MCM3: variants seen among roughly 807,000 people sequenced by gnomAD.
MCM3 encodes minichromosome maintenance complex component 3.
A neutral mutation model predicts 91.3 loss-of-function variants in MCM3; 59 were observed. The ratio of observed to expected loss-of-function variants is 0.65; its 90% CI spans 0.52 to 0.80. MCM3 has a LOEUF of 0.80. MCM3 is among the 30% of genes least tolerant of loss of function. The pLI, the probability that MCM3 is intolerant of heterozygous loss-of-function variation, is 0.00. For missense variants in MCM3, 919 were observed against 1,035.4 expected, an observed-to-expected ratio of 0.89 and a Z score of 1.54; for synonymous variants, 383 against 379.6, an observed-to-expected ratio of 1.01 and a Z score of -0.10.
Position 52,281,521 on chromosome 6 carries a change from G to GA in MCM3, c.531+523dup, listed in dbSNP as rs1283667053. 1.5e-3 allele frequency among the ~76,000 whole-genome samples: 228 copies of GA among 149,306 alleles called. 2 individuals are homozygous for GA. Among genetic ancestry groups the GA allele is most frequent in the Middle Eastern group, 6.8e-3 (2 of 294 alleles). ...CGAGACCCTGTCTCTAGAAAAAAGT[G>GA]AAAAAAAAAATTAGCGGACCTGGTG... is the stretch of plus-strand genomic sequence containing the variant. On this transcript the variant is annotated intron_variant, in intron 4 of 16. Coordinates refer to ENST00000596288, the MANE Select transcript of MCM3 (RefSeq NM_002388.6).
intron 9 of MCM3, chr6:52,275,955 C>G (rs1562387417): frequency 3.5e-6 from 1 of 289,724 alleles, no homozygotes. Context: ...TACTATATAC[C>G]TGTTCTGTTT....
rs750826914 is a variant in MCM3, at chr6:52,282,891, G to C, written c.192-30C>G. The C allele has an allele frequency of 3.8e-6, 6 of 1,559,310 alleles. No homozygotes were observed. The Admixed American group carries it at 1.0e-4, about 26-fold the overall frequency. On this transcript the variant is annotated intron_variant, in intron 2 of 16. Coordinates refer to ENST00000596288, the MANE Select transcript of MCM3 (RefSeq NM_002388.6). ...ACATAAGCAAGAGAAAGAAAAATTA[G>C]ACTGGGCAGAACTCAAAAAAATGGA...
intron 3 of MCM3, 142 bp downstream of exon 3, chr6:52,282,511 A>G (rs7774976): frequency 1.2e-5 from 8 of 693,614 alleles, no homozygotes; most frequent in African/African-American, 1.8e-5. Context: ...CATTGTACAC[A>G]CTGAGCCCTC....
intron 4 of MCM3, among the ~76,000 whole-genome samples, chr6:52,280,191 T>C (rs941443260): frequency 2.0e-5 from 3 of 152,238 alleles, no homozygotes; most frequent in South Asian, 2.1e-4. Flanking sequence ...TGGTTACCCC[T>C]AGGTAACATG....
chr6:52,279,326 A>G, intron 5 of MCM3, 35 bp downstream of exon 5: 1 of 1,530,602 alleles, frequency 6.5e-7, no homozygotes, highest in Non-Finnish European at 9.0e-7. Flanking sequence ...GAAGCTGTCA[A>G]CAGCATTCCA....
rs569233789 is a variant in MCM3 at position 52,272,371 on chromosome 6, G to A, written c.1757C>T (p.Ser586Leu). ...ATACTCTTCTGCAATGTAGGTGGCCGACTCCTGTGTCAGGACAGGCTTGAT... is the reference window on the plus strand; with the variant it reads ...ATACTCTTCTGCAATGTAGGTGGCCAACTCCTGTGTCAGGACAGGCTTGAT... The part of the protein sequence containing the change: ...KIIKPVLTQE[S>L]ATYIAEEYSR... The change falls in exon 12 of 17, where the codon TCG becomes TTG. Residue 586 changes from serine (S) to leucine (L), a missense_variant. By Grantham distance (145) the Ser-to-Leu change is moderately radical. Transcript: ENST00000596288. 59 of 1,614,114 alleles carry A rather than the reference G, an allele frequency of 3.7e-5. No homozygotes were observed. In the African/African-American group the frequency reaches 4.5e-4, roughly 12 times the overall value.
rs551948486 is a variant in MCM3, at chr6:52,272,599, TC to T, written c.1677-149del. 313 of 682,974 alleles carry T rather than the reference TC, an allele frequency of 4.6e-4. 1 individual carries two copies. In the African/African-American group the frequency reaches 5.1e-3, roughly 11 times the overall value. 42.3% of individuals were successfully genotyped at this position (682,974 alleles called of 1,614,324 possible). A position where few individuals can be genotyped will look rare whatever the true frequency, so the allele number is the denominator to read the frequency against. Reference sequence around the variant, plus strand: ...CATTTATATGGAACATAGACAAGACTCTTTCACATATTTTTATTTAATTATT... The same window carrying T: ...CATTTATATGGAACATAGACAAGACTTTTCACATATTTTTATTTAATTATT... On this transcript the variant is annotated intron_variant, in intron 11 of 16. Coordinates refer to ENST00000596288, the MANE Select transcript of MCM3 (RefSeq NM_002388.6).
Position 52,277,504 on chromosome 6 carries a change from A to C in MCM3, c.1033+31T>G, listed in dbSNP as rs9367477. 2.6e-5 allele frequency: 42 copies of C among 1,594,088 alleles called. No homozygotes were observed. In the East Asian group the frequency reaches 8.3e-4, roughly 31 times the overall value. Reference sequence around the variant, plus strand: ...GTCTCCACAACCACTCCATCAGAACAACAGTCTAAAGCAAATCCCCAACAT... The same window carrying C: ...GTCTCCACAACCACTCCATCAGAACCACAGTCTAAAGCAAATCCCCAACAT... On this transcript the variant is annotated intron_variant, in intron 7 of 16. Transcript: ENST00000596288.
rs951294926 is a variant in MCM3, at chr6:52,264,537, AAC to A, written c.*49_*50del. 8.1e-6 allele frequency: 13 copies of A among 1,598,442 alleles called. No individual in the cohort carries two copies. Among genetic ancestry groups the A allele is most frequent in the East Asian group, 2.2e-5 (1 of 44,770 alleles). On this transcript the variant is annotated 3_prime_UTR_variant, in exon 17 of 17. Coordinates refer to ENST00000596288, the MANE Select transcript of MCM3 (RefSeq NM_002388.6). Reference sequence around the variant, plus strand: ...GACTTGGGTCAGGGAGAGGGTGGGAAACACAGAACAAACTCTCTCGGCACAAC... The same window carrying A: ...GACTTGGGTCAGGGAGAGGGTGGGAAACAGAACAAACTCTCTCGGCACAAC...
intron 4 of MCM3, 111 bp from the exon 5 acceptor site, chr6:52,279,710 C>A (rs547962922): frequency 2.5e-6 from 2 of 809,676 alleles, no homozygotes; most frequent in East Asian, 2.5e-5. Context: ...TATTCAGTAA[C>A]AAAAAAAGCC....
At chr6:52,271,618 G>A (rs1052363587) in intron 12 of MCM3, among the ~76,000 whole-genome samples, 3 of 152,014 alleles carry the variant, frequency 2.0e-5, no homozygotes, top group African/African-American at 2.4e-5. Flanking sequence ...CTCCAGCCTA[G>A]CCAACAAGAG....
rs147190552 is a variant in MCM3 at position 52,279,406 on chromosome 6, C to T, written c.725G>A (p.Arg242His). The T allele has an allele frequency of 8.7e-5, 140 of 1,614,136 alleles. No individual in the cohort carries two copies. In the East Asian group the frequency reaches 2.9e-3, roughly 33 times the overall value. Residue 242 changes from arginine to histidine, a missense_variant, in exon 5 of 17, where the codon CGT (arginine) becomes CAT (histidine). This residue lies in a region of MCM3 where 401 missense variants were observed against 402.7 expected (regional missense o/e 1.00). Transcript: ENST00000596288. ...GDRVQVVGTYRCLPGKKGGYT... is the reference protein window; with the variant it reads ...GDRVQVVGTYHCLPGKKGGYT... ...GCCTCCCTTCTTTCCAGGAAGGCAACGGTAGGTTCCCACCACCTGAACCCG... is the reference window on the plus strand; with the variant it reads ...GCCTCCCTTCTTTCCAGGAAGGCAATGGTAGGTTCCCACCACCTGAACCCG...
chr6:52,266,882 C>T (rs1263953886), intron 14 of MCM3, among the ~76,000 whole-genome samples, 186 bp from the exon 15 acceptor site: 1 of 152,164 alleles, frequency 6.6e-6, no homozygotes, highest in Admixed American at 6.5e-5. Context: ...GACTAGAACA[C>T]AAACAGGCGC....
chr6:52,269,781 G>C (rs765710076), intron 12 of MCM3, among the ~76,000 whole-genome samples: 1 of 152,176 alleles, frequency 6.6e-6, no homozygotes, highest in Non-Finnish European at 1.5e-5. Flanking sequence ...AGGGGCCGAT[G>C]AATACCAAAC....
In MCM3 at chr6:52,269,094, A is replaced by C. The variant is rs1201156192; in HGVS notation, c.1960T>G (p.Phe654Val). ...EAVELVQYAY[F>V]KKVLEKEKKR... Reference sequence around the variant, plus strand: ...GGCATCTGAATCCTCACCTTCTTAAAGTAAGCATACTGGACCAACTCCACA... The same window carrying C: ...GGCATCTGAATCCTCACCTTCTTAACGTAAGCATACTGGACCAACTCCACA... Residue 654 changes from phenylalanine (F) to valine (V), a missense_variant, in exon 13 of 17, where the codon TTT becomes GTT. Physicochemically the swap from Phe to Val is conservative, Grantham distance 50. Transcript: ENST00000596288. 6.2e-7 allele frequency: 1 copy of C among 1,611,710 alleles called. No individual in the cohort carries two copies. The highest frequency in any genetic ancestry group is 1.7e-5 in the Admixed American group (1 of 59,940).
chr6:52,275,540 A>G (rs553008786), intron 9 of MCM3, among the ~76,000 whole-genome samples: 24 of 152,392 alleles, frequency 1.6e-4, no homozygotes, highest in South Asian at 1.0e-3. Context: ...AAAAATGCAC[A>G]TAACTCTTAA....
chr6:52,276,242 A>G (rs1765547041), intron 9 of MCM3, 26 bp downstream of exon 9: 1 of 1,589,756 alleles, frequency 6.3e-7, no homozygotes, highest in African/African-American at 1.3e-5. Flanking sequence ...AGGTGAGGAC[A>G]ATGGTTGGGG....
rs757958672 is a variant in MCM3 at position 52,279,564 on chromosome 6, G to A, written c.567C>T (p.Gly189=). The part of the protein sequence containing the change: ...EENNPLETEY[G]LSVYKDHQTI... ...TCTGGTGATCCTTGTAGACAGAAAG[G>A]CCATATTCTGTCTCAAGGGGATTGT... Residue 189 remains glycine (G), a synonymous_variant, in exon 5 of 17, where the codon GGC becomes GGT. Coordinates refer to ENST00000596288, the MANE Select transcript of MCM3 (RefSeq NM_002388.6). The A allele has an allele frequency of 1.1e-5, 18 of 1,613,852 alleles. No homozygotes were observed. The Admixed American group carries it at 2.8e-4, about 25-fold the overall frequency.
intron 4 of MCM3, among the ~76,000 whole-genome samples, chr6:52,279,980 G>A (rs2128282924): frequency 6.6e-6 from 1 of 152,284 alleles, no homozygotes; most frequent in East Asian, 1.9e-4. Flanking sequence ...AAATTTTAAA[G>A]TGTAAAAATG....
Sources: allele counts gnomAD v4.1 joint callset (sites outside exome capture counted in the v4.1 genomes callset), GRCh38; gene constraint gnomAD v4.1.1; regional missense constraint gnomAD v4.1.1; transcripts MANE v1.5; gene names NCBI Gene and HGNC (gene_info 2026-07-23, HGNC 2026-07-21).